The following LDLRAD4 variants were observed in gnomAD, a reference collection of about 807,000 sequenced individuals.
LDLRAD4 encodes low-density lipoprotein receptor class A domain-containing protein 4.
LDLRAD4 carries 5 observed loss-of-function variants against 17.0 expected under a neutral mutation model. That is an observed-to-expected ratio of 0.29 (90% CI 0.15 to 0.62). LDLRAD4 has a LOEUF of 0.62. LDLRAD4 is among the 20% of genes least tolerant of loss of function. LDLRAD4 has a pLI of 0.84. For missense variants in LDLRAD4, 340 were observed against 424.7 expected (o/e 0.80, Z 1.75); for synonymous variants, 168 against 171.8 (o/e 0.98, Z 0.17).
chr18:13,235,885 A>G (rs2042308053), intron 1 of LDLRAD4, among the ~76,000 whole-genome samples: 1 of 152,230 alleles, frequency 6.6e-6, no homozygotes, highest in South Asian at 2.1e-4. Flanking sequence ...GAAATACACC[A>G]GGACATTAAA....
At position 13,393,787 on chromosome 18, in the gene LDLRAD4, T is replaced by A. The variant is rs147662453; in HGVS notation, c.40+6025T>A. 1.4e-3 allele frequency among the ~76,000 whole-genome samples: 217 copies of A among 152,294 alleles called. 4 individuals are homozygous for A. In the East Asian group the frequency reaches 0.029, roughly 20 times the overall value. The stretch of plus-strand genomic sequence containing the variant: ...TCCTGGAGTTCAAGGCCCCCAGAGT[T>A]GCCTTCCTTCATTCTTGTGTTGTGA... On this transcript the variant is annotated intron_variant, in intron 2 of 5. Coordinates refer to ENST00000359446, the Ensembl canonical transcript of LDLRAD4.
chr18:13,264,681 T>C (rs1043594440), intron 1 of LDLRAD4, among the ~76,000 whole-genome samples: 1 of 152,272 alleles, frequency 6.6e-6, no homozygotes, highest in African/African-American at 2.4e-5. Context: ...GGCTGTTCTT[T>C]GGACTGTGTG....
intron 3 of LDLRAD4, chr18:13,487,104 GT>G (rs1248410288): frequency 8.5e-5 from 13 of 152,214 alleles, no homozygotes; most frequent in Non-Finnish European, 1.9e-4. Flanking sequence ...TTAAATAGGG[GT>G]CTTTTTTCCT....
chr18:13,569,600 G>A lies in LDLRAD4; in HGVS notation c.182-51517G>A, dbSNP rs115362100. On this transcript the variant is annotated intron_variant, in intron 3 of 5. Transcript: ENST00000359446. ...TGTACCAACAACTTAAATTTCCCTT[G>A]GGGCTGGGCACAGTGGCTCAAACCT... Among the ~76,000 whole-genome samples the A allele has an allele frequency of 2.6e-3, 398 of 152,178 alleles. 3 individuals carry two copies. Among genetic ancestry groups the A allele is most frequent in the African/African-American group, 9.2e-3 (383 of 41,526 alleles).
intron 3 of LDLRAD4, among the ~76,000 whole-genome samples, chr18:13,517,249 A>T (rs2093881528): frequency 6.6e-6 from 1 of 152,218 alleles, no homozygotes; most frequent in South Asian, 2.1e-4. Context: ...ATTCCAGTGG[A>T]TGCTTATGTC....
At chr18:13,619,829 G>T (rs1446246412) in intron 3 of LDLRAD4, among the ~76,000 whole-genome samples, 8 of 152,066 alleles carry the variant, frequency 5.3e-5, no homozygotes, top group Non-Finnish European at 1.2e-4. Context: ...GCCTGCGGGG[G>T]CAGGGGGCCC....
chr18:13,518,337 G>A (rs1241454262), intron 3 of LDLRAD4, among the ~76,000 whole-genome samples: 1 of 152,166 alleles, frequency 6.6e-6, no homozygotes, highest in African/African-American at 2.4e-5. Context: ...GACCCATCCA[G>A]TAGGTTTGTG....
intron 3 of LDLRAD4, among the ~76,000 whole-genome samples, chr18:13,439,757 G>A (rs2090905918): frequency 6.6e-6 from 1 of 152,216 alleles, no homozygotes; most frequent in Non-Finnish European, 1.5e-5. Flanking sequence ...CAGGATGGGG[G>A]ACTGGGAGCT....
chr18:13,339,999 A>G (rs556721225), intron 1 of LDLRAD4, among the ~76,000 whole-genome samples: 3 of 152,212 alleles, frequency 2.0e-5, no homozygotes, highest in Non-Finnish European at 4.4e-5. Context: ...TATGAATTTG[A>G]TTACTCTAGG....
chr18:13,233,080 T>G (rs1480800686), intron 1 of LDLRAD4, among the ~76,000 whole-genome samples: 1 of 152,250 alleles, frequency 6.6e-6, no homozygotes, highest in Admixed American at 6.5e-5. Flanking sequence ...GAGGATCTGC[T>G]TGTCGCCACA....
chr18:13,409,756 C>A (rs975572587), intron 2 of LDLRAD4, among the ~76,000 whole-genome samples: 8 of 152,170 alleles, frequency 5.3e-5, no homozygotes, highest in African/African-American at 1.9e-4. Flanking sequence ...AATAGAAAAT[C>A]ACCATCAGAA....
chr18:13,578,184 T>C (rs1389936586), intron 3 of LDLRAD4, among the ~76,000 whole-genome samples: 1 of 152,174 alleles, frequency 6.6e-6, no homozygotes, highest in Non-Finnish European at 1.5e-5. Context: ...TGCAGACCCC[T>C]GAAGCTCATC....
chr18:13,366,600 A>G (rs1166776390), intron 1 of LDLRAD4, among the ~76,000 whole-genome samples: 2 of 152,232 alleles, frequency 1.3e-5, no homozygotes, highest in Admixed American at 6.5e-5. Flanking sequence ...TCAGCAGAAA[A>G]AAATCCTTCT....
intron 2 of LDLRAD4, among the ~76,000 whole-genome samples, chr18:13,424,589 C>T (rs1016898819): frequency 3.3e-5 from 5 of 152,204 alleles, no homozygotes; most frequent in South Asian, 4.2e-4. Flanking sequence ...TTGGGGGATG[C>T]GCGGGTTGCC....
intron 3 of LDLRAD4, among the ~76,000 whole-genome samples, chr18:13,463,675 C>T (rs2092517719): frequency 6.6e-6 from 1 of 152,114 alleles, no homozygotes; most frequent in South Asian, 2.1e-4. Context: ...GGCAGTCACC[C>T]AACAGCGTAT....
At chr18:13,528,813 C>G (rs2094078732) in intron 3 of LDLRAD4, among the ~76,000 whole-genome samples, 1 of 152,216 alleles carries the variant, frequency 6.6e-6, no homozygotes, top group Admixed American at 6.5e-5. Flanking sequence ...AGCGTTCCCC[C>G]AACTGTAGGA....
chr18:13,274,868 G>A (rs1036304951), upstream of LDLRAD4, among the ~76,000 whole-genome samples: 3 of 152,070 alleles, frequency 2.0e-5, no homozygotes, highest in Non-Finnish European at 4.4e-5. Flanking sequence ...GTTTAAAAAT[G>A]GAGTATCTTA....
intron 3 of LDLRAD4, among the ~76,000 whole-genome samples, chr18:13,531,096 T>A (rs1480290642): frequency 6.6e-6 from 1 of 152,170 alleles, no homozygotes. Flanking sequence ...TAGAAGTTGC[T>A]ATTCCTTAAC....
chr18:13,461,021 A>G (rs2092402030), intron 3 of LDLRAD4: 1 of 152,056 alleles, frequency 6.6e-6, no homozygotes, highest in African/African-American at 2.4e-5. Flanking sequence ...CACTGCACCA[A>G]CCTTTGTCCG....
Sources: allele counts gnomAD v4.1 joint callset (sites outside exome capture counted in the v4.1 genomes callset), GRCh38; gene constraint gnomAD v4.1.1; transcripts MANE v1.5; gene names NCBI Gene and HGNC (gene_info 2026-07-23, HGNC 2026-07-21).